The following ITGB1 variants were observed in gnomAD, a reference collection of about 807,000 sequenced individuals.
ITGB1 encodes integrin subunit beta 1, also known as integrin beta-1.
ITGB1 carries 24 observed loss-of-function variants against 86.5 expected under a neutral mutation model. The observed-to-expected ratio is 0.28, with a 90% CI of 0.20 to 0.39. The LOEUF (loss-of-function observed/expected upper bound fraction) is 0.39. Ranked by LOEUF, ITGB1 falls within the 10% of genes least tolerant of loss-of-function variation. The pLI is 1.00. For synonymous variants in ITGB1, 323 were observed against 316.8 expected (o/e 1.02, Z -0.21); for missense variants, 556 against 946.9 (o/e 0.59, Z 5.42).
rs1309369889 is a variant in ITGB1 at position 32,926,007 on chromosome 10, A to C, written c.650T>G (p.Phe217Cys). The change falls in exon 6 of 16, where the codon TTT (phenylalanine) becomes TGT (cysteine). Residue 217 changes from phenylalanine (F) to cysteine (C), a missense_variant. Phe to Cys is a radical substitution (Grantham distance 205, BLOSUM62 -2). Coordinates refer to ENST00000302278, the MANE Select transcript of ITGB1 (RefSeq NM_002211.4). ...CTSEQNCTSP[F>C]SYKNVLSLTN... ...AAGACTGAGCACATTTTTGTAGCTAAATGGGCTGGTGCAGTTCTGTTCACT... is the reference window on the plus strand; with the variant it reads ...AAGACTGAGCACATTTTTGTAGCTACATGGGCTGGTGCAGTTCTGTTCACT... The C allele has an allele frequency of 6.2e-7, 1 of 1,614,000 alleles. No individual in the cohort carries two copies. The highest frequency in any genetic ancestry group is 1.7e-5 in the Admixed American group (1 of 59,996).
At position 32,911,681 on chromosome 10, in the gene ITGB1, G is replaced by A; in HGVS notation, c.1709-11C>T. Reference sequence around the variant, plus strand: ...TGCAAACACCATTTCCTGCAATTAAGCATATCATTTCTCAAAATGGTAAAA... The same window carrying A: ...TGCAAACACCATTTCCTGCAATTAAACATATCATTTCTCAAAATGGTAAAA... On this transcript the variant is annotated splice_polypyrimidine_tract_variant and intron_variant, in intron 12 of 15. Coordinates refer to ENST00000302278, the MANE Select transcript of ITGB1 (RefSeq NM_002211.4). 1.2e-6 allele frequency: 2 copies of A among 1,611,690 alleles called. No individual in the cohort carries two copies. The highest frequency in any genetic ancestry group is 1.7e-6 in the Non-Finnish European group (2 of 1,177,802).
intron 11 of ITGB1, among the ~76,000 whole-genome samples, chr10:32,913,428 C>G (rs1000132030): frequency 2.6e-5 from 4 of 152,064 alleles, no homozygotes; most frequent in African/African-American, 9.7e-5. Flanking sequence ...TGAAAAAAGA[C>G]TAGACGAATG....
In ITGB1 at chr10:32,912,004, C is replaced by A; in HGVS notation, c.1590G>T (p.Glu530Asp). 6.2e-7 allele frequency: 1 copy of A among 1,614,166 alleles called. No individual in the cohort carries two copies. Among genetic ancestry groups the A allele is most frequent in the East Asian group, 2.2e-5 (1 of 44,880 alleles). The change falls in exon 12 of 16, where the codon GAG (glutamate) becomes GAT (aspartate). Residue 530 changes from glutamate to aspartate, a missense_variant. Around this residue, in one of 4 missense-constraint regions of ITGB1, gnomAD observed 330 missense variants for 531.5 expected, o/e 0.62. Transcript: ENST00000302278. ...TACAAACACACTGTCCGCAGACGCA[C>A]TCTCCATTGTTACTGCAGATTTCTG... ...NSSEICSNNG[E>D]CVCGQCVCRK...
intron 1 of ITGB1, among the ~76,000 whole-genome samples, chr10:32,946,749 T>TGGGCG (rs1555222114): frequency 4.0e-5 from 1 of 25,112 alleles, no homozygotes; most frequent in African/African-American, 1.4e-4. Flanking sequence ...TATGTATTTC[T>TGGGCG]GGGGGGGGGG....
intron 1 of ITGB1, among the ~76,000 whole-genome samples, chr10:32,938,267 T>C (rs2095008982): frequency 6.6e-6 from 1 of 152,192 alleles, no homozygotes; most frequent in African/African-American, 2.4e-5. Flanking sequence ...ACCTGAAACA[T>C]TAAAAGTTCC....
chr10:32,903,425 G>A (rs1482502789), intron 15 of ITGB1, among the ~76,000 whole-genome samples: 1 of 140,942 alleles, frequency 7.1e-6, no homozygotes. Flanking sequence ...GGAGACAAAG[G>A]AAGAACAGTC....
At chr10:32,906,566 G>T in intron 15 of ITGB1, 1 of 177,520 alleles carries the variant, frequency 5.6e-6, no homozygotes. Context: ...CTCCAGGCTG[G>T]GCGACAGAGA....
chr10:32,924,059 G>C (rs1377534403), intron 6 of ITGB1, among the ~76,000 whole-genome samples: 1 of 152,164 alleles, frequency 6.6e-6, no homozygotes, highest in Admixed American at 6.5e-5. Context: ...TAGCAAGCCA[G>C]CACACTGCTT....
At chr10:32,939,829 T>C (rs1177684719) in intron 1 of ITGB1, among the ~76,000 whole-genome samples, 4 of 152,098 alleles carry the variant, frequency 2.6e-5, no homozygotes, top group Non-Finnish European at 5.9e-5. Context: ...GACATTACTA[T>C]ACACAGTACT....
chr10:32,921,427 G>A (rs1387044443), intron 9 of ITGB1, among the ~76,000 whole-genome samples: 2 of 152,068 alleles, frequency 1.3e-5, no homozygotes. Flanking sequence ...CATAAAAAAG[G>A]GAAGCCTCAT....
At chr10:32,935,134 G>A (rs2094997088) in intron 2 of ITGB1, among the ~76,000 whole-genome samples, 1 of 152,096 alleles carries the variant, frequency 6.6e-6, no homozygotes, top group South Asian at 2.1e-4. Context: ...AGATAATAAT[G>A]GACAGTTCAT....
chr10:32,925,704 C>T (rs1354412630), intron 6 of ITGB1, among the ~76,000 whole-genome samples, 167 bp downstream of exon 6: 1 of 152,158 alleles, frequency 6.6e-6, no homozygotes, highest in African/African-American at 2.4e-5. Flanking sequence ...TTTATAAAGG[C>T]ACTTTATGTA....
chr10:32,905,318 T>C (rs185654730), intron 15 of ITGB1, among the ~76,000 whole-genome samples: 1 of 152,358 alleles, frequency 6.6e-6, no homozygotes, highest in Non-Finnish European at 1.5e-5. Flanking sequence ...TAAACATTCC[T>C]GTACTGTAGG....
At chr10:32,928,940 T>G (rs1166650573) in intron 4 of ITGB1, among the ~76,000 whole-genome samples, 2 of 151,986 alleles carry the variant, frequency 1.3e-5, no homozygotes, top group Non-Finnish European at 2.9e-5. Flanking sequence ...TGTAGTTTTC[T>G]CTATATAGAT....
intron 1 of ITGB1, among the ~76,000 whole-genome samples, chr10:32,951,428 CCT>C (rs1425295220): frequency 2.0e-5 from 3 of 151,928 alleles, no homozygotes; most frequent in African/African-American, 4.8e-5. Context: ...CCAGCCCCTC[CCT>C]GTCCTGAAAA....
chr10:32,940,001 C>A lies in ITGB1; in HGVS notation c.1-4443G>T, dbSNP rs555528033. On this transcript the variant is annotated intron_variant, in intron 1 of 15. Coordinates refer to ENST00000302278, the MANE Select transcript of ITGB1 (RefSeq NM_002211.4). ...TCTTCGGGACCACTTCCTGAAGGAC[C>A]TGGACCTGCCTGAGGCTGTTTTACT... is the stretch of plus-strand genomic sequence containing the variant. Among the ~76,000 whole-genome samples, 16 of 152,220 alleles carry A rather than the reference C, an allele frequency of 1.1e-4. 1 individual carries two copies. The South Asian group carries it at 3.3e-3, about 32-fold the overall frequency.
intron 11 of ITGB1, 52 bp downstream of exon 11, chr10:32,919,833 A>T: frequency 6.6e-7 from 1 of 1,509,244 alleles, no homozygotes; most frequent in Non-Finnish European, 9.2e-7. Flanking sequence ...TGACCTGCCT[A>T]TACTCTCTAA....
At position 32,947,432 on chromosome 10, in the gene ITGB1, CGTGTGT is replaced by C. The variant is rs1186872641; in HGVS notation, c.-1+10707_-1+10712del. On this transcript the variant is annotated intron_variant, in intron 1 of 15. Coordinates refer to ENST00000302278, the MANE Select transcript of ITGB1 (RefSeq NM_002211.4). ...TAAAGCCAGGTGATTCACATATAGC[CGTGTGT>C]GTGTGTGTGTGTGTGTGTGTGTGTG... 1.7e-3 allele frequency among the ~76,000 whole-genome samples: 228 copies of C among 137,370 alleles called. 2 individuals are homozygous for C. The highest frequency in any genetic ancestry group is 5.2e-3 in the African/African-American group (192 of 36,750). 90.1% of individuals were successfully genotyped at this position (137,370 alleles called of 152,430 possible).
intron 5 of ITGB1, 43 bp from the exon 6 acceptor site, chr10:32,926,152 T>G: frequency 7.6e-7 from 1 of 1,313,710 alleles, no homozygotes; most frequent in Non-Finnish European, 1.1e-6. Flanking sequence ...AATGGATGGA[T>G]AGATGGAAAG....
Sources: allele counts gnomAD v4.1 joint callset (sites outside exome capture counted in the v4.1 genomes callset), GRCh38; gene constraint gnomAD v4.1.1; regional missense constraint gnomAD v4.1.1; transcripts MANE v1.5; gene names NCBI Gene and HGNC (gene_info 2026-07-23, HGNC 2026-07-21).